Variants in NVL observed in about 807,000 individuals in gnomAD.
NVL encodes nuclear VCP like.
NVL carries 84 observed loss-of-function variants against 110.2 expected under a neutral mutation model. The ratio of observed to expected loss-of-function variants is 0.76; its 90% CI spans 0.64 to 0.91. The LOEUF (loss-of-function observed/expected upper bound fraction) is 0.91, where lower values mean the gene tolerates loss of function less well. Ranked by LOEUF, NVL falls within the 40% of genes least tolerant of loss-of-function variation. The pLI is 0.00. For synonymous variants in NVL, 354 were observed against 361.1 expected, an observed-to-expected ratio of 0.98 and a Z score of 0.22; for missense variants, 882 against 1,035.9, an observed-to-expected ratio of 0.85 and a Z score of 2.04.
chr1:224,231,965 T>G (rs1210817745), intron 21 of NVL: 1 of 151,916 alleles, frequency 6.6e-6, no homozygotes, highest in Non-Finnish European at 1.5e-5. Flanking sequence ...AGGTGGAGGT[T>G]GCAGTGAGCC....
chr1:224,319,298 GT>G (rs1203079133), intron 2 of NVL, among the ~76,000 whole-genome samples: 1 of 150,436 alleles, frequency 6.6e-6, no homozygotes, highest in African/African-American at 2.4e-5. Context: ...CTTTATAGTT[GT>G]TTTTCTTTCT....
chr1:224,286,412 G>C (rs934802466), intron 14 of NVL, among the ~76,000 whole-genome samples: 1 of 151,934 alleles, frequency 6.6e-6, no homozygotes, highest in African/African-American at 2.4e-5. Context: ...CACCATGTTG[G>C]CCAGGCTGGT....
At chr1:224,274,035 A>AACACAAACACACAC (rs1665476106) in intron 17 of NVL, among the ~76,000 whole-genome samples, 2 of 145,540 alleles carry the variant, frequency 1.4e-5, no homozygotes, top group Admixed American at 7.0e-5. Context: ...ATGACCTAAC[A>AACACAAACACACAC]ACACACACAC....
intron 18 of NVL, among the ~76,000 whole-genome samples, chr1:224,258,386 A>G (rs1663537587): frequency 6.6e-6 from 1 of 152,226 alleles, no homozygotes; most frequent in South Asian, 2.1e-4. Context: ...AATAACAGGT[A>G]TTAGTAAGAA....
At chr1:224,238,986 TC>T (rs1260527339) in intron 19 of NVL, among the ~76,000 whole-genome samples, 2 of 152,178 alleles carry the variant, frequency 1.3e-5, no homozygotes, top group Non-Finnish European at 2.9e-5. Context: ...TCCCCATTCT[TC>T]CTGCCCCCGC....
At chr1:224,287,658 A>G in intron 14 of NVL, 117 bp downstream of exon 14, 1 of 730,564 alleles carries the variant, frequency 1.4e-6, no homozygotes, top group East Asian at 2.7e-5. Context: ...GTCAAGTTAG[A>G]CACAGTGATT....
chr1:224,232,372 A>C (rs777248169), intron 21 of NVL, among the ~76,000 whole-genome samples: 9 of 151,920 alleles, frequency 5.9e-5, no homozygotes, highest in Non-Finnish European at 8.8e-5. Flanking sequence ...ATAAATAAAA[A>C]TAAAAATAAC....
intron 19 of NVL, among the ~76,000 whole-genome samples, chr1:224,245,509 A>G (rs1373362592): frequency 2.6e-5 from 4 of 152,220 alleles, no homozygotes; most frequent in African/African-American, 9.6e-5. Context: ...AGCTCTGCCC[A>G]ATGAGGTTCC....
intron 19 of NVL, among the ~76,000 whole-genome samples, chr1:224,246,014 C>G (rs915296471): frequency 6.6e-6 from 1 of 151,952 alleles, no homozygotes; most frequent in Non-Finnish European, 1.5e-5. Flanking sequence ...CTGTTACCCA[C>G]CCCATTTATG....
intron 4 of NVL, among the ~76,000 whole-genome samples, chr1:224,314,515 A>C (rs1381874793): frequency 6.6e-6 from 1 of 152,216 alleles, no homozygotes; most frequent in African/African-American, 2.4e-5. Flanking sequence ...CACAATTGAC[A>C]TAAGGAGAGA....
chr1:224,321,283 G>C (rs1670618897), intron 2 of NVL, among the ~76,000 whole-genome samples: 1 of 152,068 alleles, frequency 6.6e-6, no homozygotes, highest in African/African-American at 2.4e-5. Flanking sequence ...ATTAAACAAA[G>C]AGAGAAAGAA....
At chr1:224,273,089 A>G (rs1665352706) in intron 17 of NVL, among the ~76,000 whole-genome samples, 1 of 150,380 alleles carries the variant, frequency 6.6e-6, no homozygotes, top group Admixed American at 6.6e-5. Context: ...AACACAAGAA[A>G]AGAAAACCAT....
chr1:224,242,826 G>GTT (rs35271187), intron 19 of NVL, among the ~76,000 whole-genome samples: 70 of 124,606 alleles, frequency 5.6e-4, no homozygotes, highest in Middle Eastern at 4.6e-3. Context: ...ATTAATGCTT[G>GTT]TTTTTTTTTT....
At chr1:224,243,662 A>AT (rs1661463209) in intron 19 of NVL, among the ~76,000 whole-genome samples, 3 of 64,864 alleles carry the variant, frequency 4.6e-5, no homozygotes, top group African/African-American at 9.9e-5. Context: ...CTTAAGTCAT[A>AT]CTTTTTTTTT....
At chr1:224,244,616 C>T (rs369293643) in intron 19 of NVL, among the ~76,000 whole-genome samples, 14 of 150,050 alleles carry the variant, frequency 9.3e-5, no homozygotes, top group East Asian at 2.0e-4. Context: ...GGACTACAGG[C>T]GCATGCCACC....
At chr1:224,239,294 ATTAT>A (rs796802831) in intron 19 of NVL, among the ~76,000 whole-genome samples, 186 of 151,852 alleles carry the variant, frequency 1.2e-3, no homozygotes, top group African/African-American at 4.4e-3. Context: ...GTTAATCTTT[ATTAT>A]TTAATTTTTT....
rs535542255 is a variant in NVL at position 224,291,762 on chromosome 1, C to G, written c.1326-2029G>C. Among the ~76,000 whole-genome samples, 5 of 152,274 alleles carry G rather than the reference C, an allele frequency of 3.3e-5. No homozygotes were observed. In the South Asian group the frequency reaches 1.0e-3, roughly 32 times the overall value. On this transcript the variant is annotated intron_variant, in intron 12 of 22. Transcript: ENST00000281701. ...CTTTGTAAAGTTGAAAAACTATAAG[C>G]CAAAGCATTGTCAGTTGGGGACTAT...
At chr1:224,301,685 A>C in intron 9 of NVL, 1 of 359,998 alleles carries the variant, frequency 2.8e-6, no homozygotes, top group Non-Finnish European at 5.5e-6. Context: ...CTGCAGTCCC[A>C]GTTACCTGTG....
At chr1:224,299,019 A>G (rs1464570432) in intron 10 of NVL, among the ~76,000 whole-genome samples, 1 of 152,212 alleles carries the variant, frequency 6.6e-6, no homozygotes, top group Non-Finnish European at 1.5e-5. Context: ...AATCTAAATC[A>G]TTTTACTCAA....
Sources: allele counts gnomAD v4.1 joint callset (sites outside exome capture counted in the v4.1 genomes callset), GRCh38; gene constraint gnomAD v4.1.1; transcripts MANE v1.5; gene names NCBI Gene and HGNC (gene_info 2026-07-23, HGNC 2026-07-21).